PRDM5: variants seen among roughly 807,000 people sequenced by gnomAD.
PRDM5 encodes PR/SET domain 5.
A neutral mutation model predicts 81.2 loss-of-function variants in PRDM5; 56 were observed. The ratio of observed to expected loss-of-function variants is 0.69; its 90% CI spans 0.56 to 0.86. The LOEUF is 0.86. Ranked by LOEUF, PRDM5 falls within the 40% of genes least tolerant of loss-of-function variation. The pLI is 0.00. For synonymous variants in PRDM5, 267 were observed against 256.4 expected (o/e 1.04, Z -0.39); for missense variants, 697 against 770.1 (o/e 0.91, Z 1.12).
intron 4 of PRDM5, among the ~76,000 whole-genome samples, chr4:120,819,420 T>C (rs1328506615): frequency 6.7e-6 from 1 of 148,166 alleles, no homozygotes; most frequent in East Asian, 2.0e-4. Context: ...AACTAAGAAT[T>C]CTAAAATAAA....
chr4:120,892,090 T>C (rs954923418), intron 2 of PRDM5, among the ~76,000 whole-genome samples: 2 of 152,014 alleles, frequency 1.3e-5, no homozygotes, highest in Non-Finnish European at 2.9e-5. Context: ...AGGAGCAAGT[T>C]GTTTAATTTC....
chr4:120,879,076 A>C (rs1762594571), intron 2 of PRDM5, among the ~76,000 whole-genome samples: 1 of 152,232 alleles, frequency 6.6e-6, no homozygotes, highest in African/African-American at 2.4e-5. Flanking sequence ...TCCACACCAC[A>C]CAAAAACTGC....
At position 120,821,352 on chromosome 4, in the gene PRDM5, CA is replaced by C; in HGVS notation, c.301-8del. 6.2e-7 allele frequency: 1 copy of C among 1,611,846 alleles called. No individual in the cohort carries two copies. The highest frequency in any genetic ancestry group is 8.5e-7 in the Non-Finnish European group (1 of 1,178,294). ...AGAAAATGTTTTCTCCTTCCTGAAA[CA>C]AATTTTTTTAAATGCTGAACCATTC... On this transcript the variant is annotated splice_region_variant and splice_polypyrimidine_tract_variant and intron_variant, in intron 3 of 15. Transcript: ENST00000264808.
chr4:120,899,438 C>T (rs201554164), intron 2 of PRDM5, among the ~76,000 whole-genome samples: 1 of 152,174 alleles, frequency 6.6e-6, no homozygotes, highest in Non-Finnish European at 1.5e-5. Context: ...ACAGGTGGTA[C>T]ACACTTCAAG....
chr4:120,772,636 C>G (rs1287113580), intron 13 of PRDM5, among the ~76,000 whole-genome samples: 1 of 152,174 alleles, frequency 6.6e-6, no homozygotes, highest in Non-Finnish European at 1.5e-5. Context: ...AACAGAATGG[C>G]CTCTGTCAGC....
chr4:120,917,416 GCT>G (rs902163072), intron 1 of PRDM5, among the ~76,000 whole-genome samples: 5 of 151,822 alleles, frequency 3.3e-5, no homozygotes, highest in African/African-American at 1.2e-4. Flanking sequence ...ACCATACCTA[GCT>G]CTTTTTCTTT....
At chr4:120,705,822 T>C (rs553940078) in intron 15 of PRDM5, among the ~76,000 whole-genome samples, 1 of 152,270 alleles carries the variant, frequency 6.6e-6, no homozygotes, top group East Asian at 1.9e-4. Context: ...TAAAAAGATA[T>C]TGCAATATTC....
At chr4:120,696,090 C>T (rs1435930511) in intron 15 of PRDM5, among the ~76,000 whole-genome samples, 1 of 151,682 alleles carries the variant, frequency 6.6e-6, no homozygotes, top group African/African-American at 2.4e-5. Flanking sequence ...TCTTTCTTTA[C>T]GGAGGAAAGA....
intron 1 of PRDM5, among the ~76,000 whole-genome samples, chr4:120,922,113 C>CG (rs1725012810): frequency 1.3e-5 from 2 of 152,206 alleles, no homozygotes; most frequent in South Asian, 4.1e-4. Context: ...AGCGTGCGCG[C>CG]GGGGGAAAAC....
intron 1 of PRDM5, among the ~76,000 whole-genome samples, chr4:120,920,983 G>C (rs1042916785): frequency 6.6e-5 from 10 of 152,110 alleles, no homozygotes; most frequent in African/African-American, 2.4e-4. Flanking sequence ...TCAAAAGAAA[G>C]TAGGTTGGCC....
chr4:120,880,655 G>T (rs986274542), intron 2 of PRDM5, among the ~76,000 whole-genome samples: 7 of 151,854 alleles, frequency 4.6e-5, no homozygotes. Context: ...TTTAATCTCA[G>T]TTTAGGTTTT....
intron 15 of PRDM5, among the ~76,000 whole-genome samples, chr4:120,706,965 T>C (rs543691273): frequency 2.0e-5 from 3 of 150,610 alleles, no homozygotes; most frequent in African/African-American, 7.3e-5. Context: ...ATCAGGTGGC[T>C]TCACTGATAA....
intron 14 of PRDM5, among the ~76,000 whole-genome samples, chr4:120,718,445 T>C (rs1738118874): frequency 6.6e-6 from 1 of 152,344 alleles, no homozygotes; most frequent in East Asian, 1.9e-4. Flanking sequence ...AAAAATGACA[T>C]ATTTCATCAG....
chr4:120,684,844 A>G (rs1733776971), downstream of PRDM5: 1 of 151,994 alleles, frequency 6.6e-6, no homozygotes, highest in African/African-American at 2.4e-5. Flanking sequence ...CTCAAAGAAT[A>G]TTACATTGAA....
At chr4:120,720,077 C>G (rs952204302) in intron 14 of PRDM5, among the ~76,000 whole-genome samples, 2 of 152,114 alleles carry the variant, frequency 1.3e-5, no homozygotes, top group African/African-American at 2.4e-5. Context: ...CAAAACCTGG[C>G]CCTTCTCTCC....
intron 14 of PRDM5, among the ~76,000 whole-genome samples, chr4:120,731,272 G>GAGTGT (rs1465921343): frequency 6.6e-6 from 1 of 151,980 alleles, no homozygotes; most frequent in Non-Finnish European, 1.5e-5. Flanking sequence ...TGTACAACAA[G>GAGTGT]TGATGATAGC....
At chr4:120,863,023 G>A (rs1760778357) in intron 2 of PRDM5, among the ~76,000 whole-genome samples, 2 of 151,242 alleles carry the variant, frequency 1.3e-5, no homozygotes, top group Admixed American at 6.6e-5. Flanking sequence ...GCTGGGCATG[G>A]TAGCACATGC....
chr4:120,741,924 C>A (rs570696488), intron 14 of PRDM5, among the ~76,000 whole-genome samples: 54 of 152,346 alleles, frequency 3.5e-4, no homozygotes, highest in African/African-American at 1.2e-3. Flanking sequence ...GTGGAGCCCA[C>A]CACAGCTCAA....
rs180856432 is a variant in PRDM5 at position 120,854,812 on chromosome 4, T to C, written c.178-1272A>G. 4.6e-5 allele frequency among the ~76,000 whole-genome samples: 7 copies of C among 151,620 alleles called. 1 individual carries two copies. Among genetic ancestry groups the C allele is most frequent in the African/African-American group, 1.5e-4 (6 of 41,324 alleles). ...CCCTTTGATGAGAGGACCTTAAGAGTTCTAAAGGGAGGGAACAGGCCAGTA... is the reference window on the plus strand; with the variant it reads ...CCCTTTGATGAGAGGACCTTAAGAGCTCTAAAGGGAGGGAACAGGCCAGTA... On this transcript the variant is annotated intron_variant, in intron 2 of 15. Coordinates refer to ENST00000264808, the MANE Select transcript of PRDM5 (RefSeq NM_018699.4).
Sources: allele counts gnomAD v4.1 joint callset (sites outside exome capture counted in the v4.1 genomes callset), GRCh38; gene constraint gnomAD v4.1.1; transcripts MANE v1.5; gene names NCBI Gene and HGNC (gene_info 2026-07-23, HGNC 2026-07-21).